DNAH11: variants seen among roughly 807,000 people sequenced by gnomAD.
The protein encoded by DNAH11 is dynein axonemal heavy chain 11, also known as axonemal beta dynein heavy chain 11.
DNAH11 carries 442 observed loss-of-function variants against 526.0 expected under a neutral mutation model. That is an observed-to-expected ratio of 0.84 (90% CI 0.78 to 0.91). DNAH11 has a LOEUF of 0.91. Ranked by LOEUF, DNAH11 falls within the 40% of genes least tolerant of loss-of-function variation. DNAH11 has a pLI of 0.00. For synonymous variants in DNAH11, 2,461 were observed against 1,935.9 expected (o/e 1.27, Z -7.12); for missense variants, 6,989 against 5,448.7 (o/e 1.28, Z -8.90).
intron 30 of DNAH11, among the ~76,000 whole-genome samples, chr7:21,674,200 T>A (rs12700292): frequency 2.6e-5 from 4 of 151,488 alleles, no homozygotes; most frequent in African/African-American, 9.7e-5. Context: ...CCTGGAGTTA[T>A]AGGCGTGATC....
intron 63 of DNAH11, among the ~76,000 whole-genome samples, chr7:21,813,313 ATAATTAGTTATTAGTTAT>A (rs1315305605): frequency 1.3e-5 from 2 of 152,192 alleles, no homozygotes; most frequent in Non-Finnish European, 2.9e-5. Context: ...ATTAGTGCCA[ATAATTAGTTATTAGTTAT>A]TAATTAGTTA....
intron 35 of DNAH11, among the ~76,000 whole-genome samples, chr7:21,691,417 C>T (rs1783622458): frequency 6.6e-6 from 1 of 151,678 alleles, no homozygotes; most frequent in African/African-American, 2.4e-5. Flanking sequence ...CCCACCCCTC[C>T]TGCCGCTCTC....
Position 21,655,895 on chromosome 7 carries a change from G to C in DNAH11, c.5008G>C (p.Asp1670His). 1 of 1,613,360 alleles carries C rather than the reference G, an allele frequency of 6.2e-7. No homozygotes were observed. Among genetic ancestry groups the C allele is most frequent in the Non-Finnish European group, 8.5e-7 (1 of 1,179,578 alleles). Residue 1670 changes from aspartate to histidine, a missense_variant, in exon 29 of 82, where the codon GAT becomes CAT. Physicochemically the swap from Asp to His is moderately conservative, Grantham distance 81 (BLOSUM62 -1). Transcript: ENST00000409508. ...IADLQFEDNQ[D>H]VSAHRAVGMY... The stretch of plus-strand genomic sequence containing the variant: ...AGATCTGCAGTTTGAAGACAATCAG[G>C]ATGTTTCTGCACACAGGGCAGTTGG...
At chr7:21,811,366 G>A (rs1789512064) in intron 63 of DNAH11, among the ~76,000 whole-genome samples, 1 of 151,758 alleles carries the variant, frequency 6.6e-6, no homozygotes, top group South Asian at 2.1e-4. Context: ...TGAGGCAGGA[G>A]AATCGCTTAA....
intron 25 of DNAH11, 109 bp from the exon 26 acceptor site, chr7:21,635,762 G>A (rs975274157): frequency 6.0e-6 from 5 of 837,256 alleles, no homozygotes; most frequent in Admixed American, 6.3e-5. Context: ...GATATTACAT[G>A]CTAGGTCTAA....
At chr7:21,751,131 C>G (rs1195172242) in intron 54 of DNAH11, among the ~76,000 whole-genome samples, 1 of 152,118 alleles carries the variant, frequency 6.6e-6, no homozygotes, top group Non-Finnish European at 1.5e-5. Flanking sequence ...CAAGACCAAC[C>G]TGGCCAACAT....
At chr7:21,831,334 G>A (rs984869006) in intron 65 of DNAH11, among the ~76,000 whole-genome samples, 11 of 152,040 alleles carry the variant, frequency 7.2e-5, no homozygotes, top group African/African-American at 2.4e-4. Flanking sequence ...GTAGCTTTTT[G>A]ATCCTTCAAG....
chr7:21,894,788 C>T lies in DNAH11; in HGVS notation c.12916C>T (p.Leu4306=), dbSNP rs987912070. The change falls in exon 78 of 82, where the codon CTG becomes TTG. Residue 4306 remains leucine (L), a synonymous_variant. Coordinates refer to ENST00000409508, the MANE Select transcript of DNAH11 (RefSeq NM_001277115.2). ...IREIRISLEQ[L]DLSLKGELAL... is the part of the protein sequence containing the mutation. ...GGAAATACGTATATCACTTGAACAA[C>T]TGGACCTTAGTTTGAAGGTAAGCTT... 3.7e-6 allele frequency: 6 copies of T among 1,609,546 alleles called. No homozygotes were observed. The highest frequency in any genetic ancestry group is 5.1e-6 in the Non-Finnish European group (6 of 1,177,332).
At chr7:21,816,959 T>C (rs1193053156) in intron 64 of DNAH11, among the ~76,000 whole-genome samples, 1 of 152,200 alleles carries the variant, frequency 6.6e-6, no homozygotes, top group East Asian at 1.9e-4. Context: ...GGGGAAAATA[T>C]GTAAATTTTC....
Position 21,543,593 on chromosome 7 carries a change from G to A in DNAH11, c.348G>A (p.Gln116=), listed in dbSNP as rs1782674004. Residue 116 remains glutamine, a synonymous_variant, in exon 1 of 82, where the codon CAG becomes CAA. Transcript: ENST00000409508. ...CCTCGGGGCGCCTTGCGGCTTCCCA[G>A]GAGGTAAGAGGCGACGGGCAAGGGG... The part of the protein sequence containing the change: ...FAASGRLAAS[Q]EIPRDANHKL... 1 of 1,588,770 alleles carries A rather than the reference G, an allele frequency of 6.3e-7. No individual in the cohort carries two copies. Among genetic ancestry groups the A allele is most frequent in the African/African-American group, 1.3e-5 (1 of 74,492 alleles).
intron 40 of DNAH11, among the ~76,000 whole-genome samples, 183 bp downstream of exon 40, chr7:21,708,018 G>A (rs570657648): frequency 2.0e-5 from 3 of 152,162 alleles, no homozygotes; most frequent in African/African-American, 7.2e-5. Flanking sequence ...ATAAATACTT[G>A]ATTTGCATTC....
chr7:21,736,309 T>C (rs1055482835), intron 46 of DNAH11, among the ~76,000 whole-genome samples: 3 of 152,208 alleles, frequency 2.0e-5, no homozygotes, highest in Non-Finnish European at 4.4e-5. Context: ...ATTGAATAAC[T>C]AATCAACGTA....
Position 21,550,450 on chromosome 7 carries a change from G to A in DNAH11, c.495+5301G>A, listed in dbSNP as rs1430420702. Among the ~76,000 whole-genome samples the A allele has an allele frequency of 2.0e-5, 3 of 152,178 alleles. No homozygotes were observed. In the East Asian group the frequency reaches 5.8e-4, roughly 29 times the overall value. ...TTCCATAGTAGGGAGATGTCTAGCT[G>A]TGCCCAAATATAGGATCTCATATAA... On this transcript the variant is annotated intron_variant, in intron 2 of 81. Coordinates refer to ENST00000409508, the MANE Select transcript of DNAH11 (RefSeq NM_001277115.2).
chr7:21,852,685 A>G, intron 67 of DNAH11, 54 bp downstream of exon 67: 5 of 1,504,922 alleles, frequency 3.3e-6, no homozygotes, highest in South Asian at 1.4e-5. Flanking sequence ...CGAATGAGAC[A>G]TGTGGGGTGG....
At chr7:21,681,116 C>T (rs141174083) in intron 30 of DNAH11, among the ~76,000 whole-genome samples, 1 of 152,210 alleles carries the variant, frequency 6.6e-6, no homozygotes, top group Admixed American at 6.5e-5. Flanking sequence ...TGAGGTCCAG[C>T]TGGGGTAACA....
intron 61 of DNAH11, among the ~76,000 whole-genome samples, chr7:21,797,454 G>A (rs1788771118): frequency 6.6e-6 from 1 of 151,706 alleles, no homozygotes; most frequent in South Asian, 2.1e-4. Context: ...CGTGACCTCA[G>A]GTGATCCGCT....
chr7:21,615,633 T>G (rs1252503715), intron 21 of DNAH11, among the ~76,000 whole-genome samples: 1 of 152,026 alleles, frequency 6.6e-6, no homozygotes. Flanking sequence ...TATACTTACA[T>G]GCCTGGGCAT....
chr7:21,784,287 C>G (rs1788078610), intron 57 of DNAH11, 140 bp from the exon 58 acceptor site: 1 of 654,760 alleles, frequency 1.5e-6, no homozygotes, highest in African/African-American at 1.8e-5. Flanking sequence ...GAAAATTAGT[C>G]TGTTTAACAA....
intron 30 of DNAH11, among the ~76,000 whole-genome samples, chr7:21,663,413 A>G (rs1353124924): frequency 2.6e-5 from 4 of 152,044 alleles, no homozygotes; most frequent in East Asian, 1.9e-4. Flanking sequence ...TGTTTTCCAT[A>G]GGGGTTGTGC....
Sources: gnomAD v4.1 joint callset for allele counts (sites outside exome capture counted in the v4.1 genomes callset) on GRCh38, gnomAD v4.1.1 for gene constraint, MANE v1.5 for transcripts, NCBI Gene and HGNC (gene_info 2026-07-23, HGNC 2026-07-21) for gene names.